The following RAB3GAP1 variants were observed in gnomAD, a reference collection of about 807,000 sequenced individuals.
The protein encoded by RAB3GAP1 is rab3 GTPase-activating protein catalytic subunit.
Under a neutral mutation model 130.7 loss-of-function variants are expected in RAB3GAP1, and 86 were observed. The observed-to-expected ratio is 0.66, with a 90% confidence interval of 0.55 to 0.79. The LOEUF (loss-of-function observed/expected upper bound fraction) is 0.79, where lower values mean the gene tolerates loss of function less well. Ranked by LOEUF, RAB3GAP1 falls within the 30% of genes least tolerant of loss-of-function variation. The pLI is 0.00. For missense variants in RAB3GAP1, 1,029 were observed against 1,169.4 expected (o/e 0.88, Z 1.75); for synonymous variants, 367 against 401.7 (o/e 0.91, Z 1.03).
In RAB3GAP1 at chr2:135,144,613, G is replaced by A. The variant is rs552847775; in HGVS notation, c.1924-5756G>A. 2.0e-5 allele frequency among the ~76,000 whole-genome samples: 3 copies of A among 152,306 alleles called. 1 individual carries two copies. Among genetic ancestry groups the A allele is most frequent in the African/African-American group, 7.2e-5 (3 of 41,566 alleles). ...GGCTTTCAGGCTTTCAACTATCTTT[G>A]TTTGAAGGTCAGATTTCACTGAGGA... On this transcript the variant is annotated intron_variant, in intron 17 of 23. Transcript: ENST00000264158.
In RAB3GAP1 at chr2:135,120,816, T is replaced by C. The variant is rs1348318032; in HGVS notation, c.649-3T>C. The C allele has an allele frequency of 5.7e-6, 9 of 1,584,258 alleles. No individual in the cohort carries two copies. Among genetic ancestry groups the C allele is most frequent in the Admixed American group, 5.0e-5 (3 of 59,974 alleles). ...CGGTATTGTCTTTGCATGTATTTCCTAGGGATGTCCTTTAACTCCATTGCC... is the reference window on the plus strand; with the variant it reads ...CGGTATTGTCTTTGCATGTATTTCCCAGGGATGTCCTTTAACTCCATTGCC... On this transcript the variant is annotated splice_region_variant and splice_polypyrimidine_tract_variant and intron_variant, in intron 7 of 23. Coordinates refer to ENST00000264158, the MANE Select transcript of RAB3GAP1 (RefSeq NM_012233.3).
intron 17 of RAB3GAP1, among the ~76,000 whole-genome samples, chr2:135,138,182 C>T (rs1691731431): frequency 6.6e-6 from 1 of 151,682 alleles, no homozygotes; most frequent in Admixed American, 6.6e-5. Flanking sequence ...AGGCTCAACG[C>T]CTGTAATCCC....
rs1367953913 is a variant in RAB3GAP1 at position 135,132,746 on chromosome 2, T to C, written c.1237-149T>C. 4 of 600,238 alleles carry C rather than the reference T, an allele frequency of 6.7e-6. No homozygotes were observed. In the Admixed American group the frequency reaches 1.1e-4, roughly 17 times the overall value. 37.2% of individuals were successfully genotyped at this position (600,238 alleles called of 1,614,324 possible). ...GAAAAATAGAAAAAATTTGAGAGTG[T>C]AGAACAAACTGGCCAATACAACTGG... On this transcript the variant is annotated intron_variant, in intron 13 of 23. Transcript: ENST00000264158.
chr2:135,081,715 G>A (rs956622830), intron 3 of RAB3GAP1, among the ~76,000 whole-genome samples: 11 of 152,068 alleles, frequency 7.2e-5, no homozygotes, highest in Non-Finnish European at 1.5e-4. Context: ...AGAAATAGAT[G>A]AAATGCTCAG....
In RAB3GAP1 at chr2:135,083,280, C is replaced by T. The variant is rs574901803; in HGVS notation, c.151-7718C>T. Among the ~76,000 whole-genome samples the T allele has an allele frequency of 3.9e-5, 6 of 152,048 alleles. No homozygotes were observed. The South Asian group carries it at 6.2e-4, about 16-fold the overall frequency. On this transcript the variant is annotated intron_variant, in intron 3 of 23. Coordinates refer to ENST00000264158, the MANE Select transcript of RAB3GAP1 (RefSeq NM_012233.3). ...TGCGAGTAATGCTATGAGCATTCAT[C>T]GCATTAAGTTTTTGTGTGGACATGT...
At chr2:135,130,411 A>G in intron 12 of RAB3GAP1, 141 bp from the exon 13 acceptor site, 1 of 728,670 alleles carries the variant, frequency 1.4e-6, no homozygotes, top group South Asian at 1.9e-5. Context: ...GAACATGTAT[A>G]TTAATATTTT....
At chr2:135,135,229 A>C in intron 15 of RAB3GAP1, 36 bp from the exon 16 acceptor site, 1 of 1,556,076 alleles carries the variant, frequency 6.4e-7, no homozygotes, top group Non-Finnish European at 8.9e-7. Context: ...ATTTTACTAA[A>C]ACTAAGCTTT....
intron 3 of RAB3GAP1, among the ~76,000 whole-genome samples, chr2:135,084,002 A>AG (rs1463770830): frequency 6.6e-6 from 1 of 151,764 alleles, no homozygotes; most frequent in Non-Finnish European, 1.5e-5. Flanking sequence ...CCCAGCACTT[A>AG]GGGAGGCCAA....
chr2:135,101,675 C>T (rs1690453095), intron 5 of RAB3GAP1, among the ~76,000 whole-genome samples: 1 of 152,132 alleles, frequency 6.6e-6, no homozygotes, highest in Non-Finnish European at 1.5e-5. Context: ...TAAAAGTGGA[C>T]TTTAAAAGAT....
chr2:135,141,459 C>A (rs183278042), intron 17 of RAB3GAP1, among the ~76,000 whole-genome samples: 1 of 151,918 alleles, frequency 6.6e-6, no homozygotes, highest in African/African-American at 2.4e-5. Flanking sequence ...CTCCTGACCT[C>A]GTGATCTGCC....
chr2:135,134,064 A>G (rs115869483), intron 15 of RAB3GAP1, 31 bp downstream of exon 15: 20 of 1,611,778 alleles, frequency 1.2e-5, no homozygotes, highest in Non-Finnish European at 1.7e-5. Context: ...TTGTTTGGAT[A>G]CGATTTTGTT....
chr2:135,166,979 CTG>C (rs1243733340), intron 23 of RAB3GAP1, among the ~76,000 whole-genome samples: 4 of 152,118 alleles, frequency 2.6e-5, no homozygotes, highest in Admixed American at 2.0e-4. Context: ...AATTGGTAGA[CTG>C]TGTAATACAT....
At chr2:135,116,649 T>C (rs1228270285) in intron 7 of RAB3GAP1, among the ~76,000 whole-genome samples, 2 of 152,222 alleles carry the variant, frequency 1.3e-5, no homozygotes, top group Non-Finnish European at 2.9e-5. Context: ...AATTGTATTA[T>C]AGTTGTATAG....
intron 3 of RAB3GAP1, among the ~76,000 whole-genome samples, chr2:135,083,497 G>A (rs1405132513): frequency 6.6e-6 from 1 of 151,926 alleles, no homozygotes; most frequent in African/African-American, 2.4e-5. Flanking sequence ...GTCTTGCTCT[G>A]TTGCCCAGGC....
chr2:135,150,221 T>TA, intron 17 of RAB3GAP1, 148 bp from the exon 18 acceptor site: 2 of 930,422 alleles, frequency 2.1e-6, no homozygotes, highest in East Asian at 2.6e-5. Context: ...ATGTAAGTTC[T>TA]AAAAAACTTA....
At position 135,110,998 on chromosome 2, in the gene RAB3GAP1, A is replaced by G. The variant is rs531893939; in HGVS notation, c.363-2153A>G. 8.5e-5 allele frequency among the ~76,000 whole-genome samples: 13 copies of G among 152,310 alleles called. 2 individuals carry two copies. In the South Asian group the frequency reaches 2.5e-3, roughly 29 times the overall value. ...TTGAAAAAAAGAAAACTATTTTTCA[A>G]AGATCTTTAGAGCTCAATTTTTAAA... is the stretch of plus-strand genomic sequence containing the variant. On this transcript the variant is annotated intron_variant, in intron 5 of 23. Transcript: ENST00000264158.
In RAB3GAP1 at chr2:135,058,055, T is replaced by C; in HGVS notation, c.119T>C (p.Ile40Thr). ...GAAGTCTTGAATGACTGGAAACTGA[T>C]TGGAAACTCTTTGGGAAAGCCACTC... ...VEEVLNDWKL[I>T]GNSLGKPLEK... Residue 40 changes from isoleucine to threonine, a missense_variant, in exon 3 of 24, where the codon ATT (isoleucine) becomes ACT (threonine). This residue lies in a region of RAB3GAP1 where 510 missense variants were observed against 532.1 expected (regional missense o/e 0.96). Transcript: ENST00000264158. 1 of 1,613,112 alleles carries C rather than the reference T, an allele frequency of 6.2e-7. No homozygotes were observed. Among genetic ancestry groups the C allele is most frequent in the East Asian group, 2.2e-5 (1 of 44,768 alleles).
chr2:135,147,342 T>C, intron 17 of RAB3GAP1, among the ~76,000 whole-genome samples: 1 of 146,222 alleles, frequency 6.8e-6, no homozygotes, highest in Admixed American at 6.8e-5. Flanking sequence ...TGAGACTCTG[T>C]CTCAAAAAAA....
intron 19 of RAB3GAP1, among the ~76,000 whole-genome samples, chr2:135,157,434 C>T (rs182449964): frequency 2.0e-5 from 3 of 152,208 alleles, no homozygotes; most frequent in East Asian, 1.9e-4. Context: ...ACCACACCGA[C>T]GGGGATTGGT....
Sources: allele counts gnomAD v4.1 joint callset (sites outside exome capture counted in the v4.1 genomes callset), GRCh38; gene constraint gnomAD v4.1.1; regional missense constraint gnomAD v4.1.1; transcripts MANE v1.5; gene names NCBI Gene and HGNC (gene_info 2026-07-23, HGNC 2026-07-21).